FAM47C: variants seen among roughly 807,000 people sequenced by gnomAD.
FAM47C encodes the protein family with sequence similarity 47 member C.
For missense variants in FAM47C, 847 were observed against 879.9 expected (o/e 0.96, Z 0.47); for synonymous variants, 307 against 346.5 (o/e 0.89, Z 1.27).
chrX:37,008,929 C>T lies in FAM47C; in HGVS notation c.519C>T (p.Asp173=). ...GSCEGQEKTT[D]EPTEPGKYPC... The stretch of plus-strand genomic sequence containing the variant: ...GTGAGGGCCAGGAGAAGACAACTGA[C>T]GAACCCACGGAGCCTGGTAAATACC... The change falls in exon 1 of 1, where the codon GAC becomes GAT. Residue 173 remains aspartate (D), a synonymous_variant. Coordinates refer to ENST00000358047, the MANE Select transcript of FAM47C (RefSeq NM_001013736.3). 2 of 1,211,451 alleles carry T rather than the reference C, an allele frequency of 1.7e-6. No individual in the cohort carries two copies. Among genetic ancestry groups the T allele is most frequent in the Non-Finnish European group, 1.1e-6 (1 of 895,229 alleles).
In FAM47C at chrX:37,011,356, T is replaced by G; in HGVS notation, c.2946T>G (p.Phe982Leu). ...ILDGLYGPIAFKDFILSKGYE... is the reference protein window; with the variant it reads ...ILDGLYGPIALKDFILSKGYE... ...ACGGTCTTTATGGACCAATCGCCTT[T>G]AAGGATTTCATTCTAAGCAAGGGCT... is the stretch of plus-strand genomic sequence containing the variant. The change falls in exon 1 of 1, where the codon TTT (phenylalanine) becomes TTG (leucine). Residue 982 changes from phenylalanine (F) to leucine (L), a missense_variant. Physicochemically the swap from Phe to Leu is conservative, Grantham distance 22. Coordinates refer to ENST00000358047, the MANE Select transcript of FAM47C (RefSeq NM_001013736.3). The G allele has an allele frequency of 5.0e-6, 6 of 1,211,707 alleles. No homozygotes were observed. The highest frequency in any genetic ancestry group is 6.7e-6 in the Non-Finnish European group (6 of 895,537).
rs149352851 is a variant in FAM47C at position 37,009,000 on chromosome X, G to T, written c.590G>T (p.Cys197Phe). Reference sequence around the variant, plus strand: ...CGGCCTCCCGAGACTCGGGTGTCCTGTCTCCCCCCGGAGCCTCCCAAGACT... The same window carrying T: ...CGGCCTCCCGAGACTCGGGTGTCCTTTCTCCCCCCGGAGCCTCCCAAGACT... ...SPRPPETRVS[C>F]LPPEPPKTPV... Residue 197 changes from cysteine (C) to phenylalanine (F), a missense_variant, in exon 1 of 1, where the codon TGT (cysteine) becomes TTT (phenylalanine). Transcript: ENST00000358047. 168 of 1,208,775 alleles carry T rather than the reference G, an allele frequency of 1.4e-4. 1 individual carries two copies. Among genetic ancestry groups the T allele is most frequent in the Non-Finnish European group, 1.8e-4 (165 of 894,632 alleles).
In FAM47C at chrX:37,009,240, C is replaced by G. The variant is rs782512993; in HGVS notation, c.830C>G (p.Thr277Ser). The change falls in exon 1 of 1, where the codon ACT becomes AGT. Residue 277 changes from threonine (T) to serine (S), a missense_variant. Coordinates refer to ENST00000358047, the MANE Select transcript of FAM47C (RefSeq NM_001013736.3). ...VSHLYLEPPG[T>S]GVSHLCPEPP... is the part of the protein sequence containing the mutation. ...CATCTCTACCTGGAGCCTCCTGGGA[C>G]TGGAGTGTCTCATCTCTGCCCAGAG... The G allele has an allele frequency of 4.1e-6, 5 of 1,207,903 alleles. No individual in the cohort carries two copies. The African/African-American group carries it at 8.9e-5, about 21-fold the overall frequency.
In FAM47C at chrX:37,008,855, G is replaced by A. The variant is rs781899306; in HGVS notation, c.445G>A (p.Val149Ile). 11 of 1,212,004 alleles carry A rather than the reference G, an allele frequency of 9.1e-6. No homozygotes were observed. Among genetic ancestry groups the A allele is most frequent in the South Asian group, 7.0e-5 (4 of 56,979 alleles). The change falls in exon 1 of 1, where the codon GTA (valine) becomes ATA (isoleucine). Residue 149 changes from valine to isoleucine, a missense_variant. Physicochemically the swap from Val to Ile is conservative, Grantham distance 29. Transcript: ENST00000358047. ...TATGCCTCCAGATCTCCTACTACAG[G>A]TACTGAAACCGCTGGACCCTGAGAG... ...EDMPPDLLLQ[V>I]LKPLDPERKL... is the part of the protein sequence containing the mutation.
Position 37,009,737 on chromosome X carries a change from C to A in FAM47C, c.1327C>A (p.Pro443Thr). Residue 443 changes from proline (P) to threonine (T), a missense_variant, in exon 1 of 1, where the codon CCT becomes ACT. By Grantham distance (38) the Pro-to-Thr change is conservative. Transcript: ENST00000358047. ...TRGSHLRPEP[P>T]ETGVSHLRPE... ...CGGATCTCATCTCCGCCCGGAACCT[C>A]CTGAGACTGGAGTGTCCCATCTCCG... The A allele has an allele frequency of 6.6e-6, 8 of 1,203,425 alleles. No homozygotes were observed. The African/African-American group carries it at 7.2e-5, about 11-fold the overall frequency.
In FAM47C at chrX:37,009,978, G is replaced by T; in HGVS notation, c.1568G>T (p.Arg523Leu). ...TCTGAGACTGGAGTGTCCCATCTCC[G>T]CCCAGAGCCTCCCAAGATTCTGGTG... ...EPSETGVSHL[R>L]PEPPKILVSS... The change falls in exon 1 of 1, where the codon CGC becomes CTC. Residue 523 changes from arginine to leucine, a missense_variant. By Grantham distance (102) the Arg-to-Leu change is moderately radical. Transcript: ENST00000358047. 8.3e-7 allele frequency: 1 copy of T among 1,202,662 alleles called. No homozygotes were observed. The highest frequency in any genetic ancestry group is 1.8e-5 in the South Asian group (1 of 56,531).
Position 37,010,696 on chromosome X carries a change from C to G in FAM47C, c.2286C>G (p.Leu762=). The part of the protein sequence containing the change: ...PEPLETRVSH[L]RPEPPETGVS... ...CTCTTGAGACTCGCGTATCTCATCTCCGCCCGGAGCCTCCTGAGACTGGAG... is the reference window on the plus strand; with the variant it reads ...CTCTTGAGACTCGCGTATCTCATCTGCGCCCGGAGCCTCCTGAGACTGGAG... The change falls in exon 1 of 1, where the codon CTC becomes CTG. Residue 762 remains leucine, a synonymous_variant. Coordinates refer to ENST00000358047, the MANE Select transcript of FAM47C (RefSeq NM_001013736.3). The G allele has an allele frequency of 8.3e-7, 1 of 1,208,915 alleles. No homozygotes were observed. The highest frequency in any genetic ancestry group is 1.1e-6 in the Non-Finnish European group (1 of 894,769).
In FAM47C at chrX:37,010,697, C is replaced by T. The variant is rs143434116; in HGVS notation, c.2287C>T (p.Arg763Cys). 3.4e-5 allele frequency: 41 copies of T among 1,202,059 alleles called. No homozygotes were observed. The African/African-American group carries it at 6.8e-4, about 20-fold the overall frequency. Residue 763 changes from arginine (R) to cysteine (C), a missense_variant, in exon 1 of 1, where the codon CGC becomes TGC. Arg to Cys is a radical substitution (Grantham distance 180). Transcript: ENST00000358047. Reference protein sequence around the residue: ...EPLETRVSHLRPEPPETGVSH... With the variant: ...EPLETRVSHLCPEPPETGVSH... ...TCTTGAGACTCGCGTATCTCATCTC[C>T]GCCCGGAGCCTCCTGAGACTGGAGT...
Position 37,011,382 on chromosome X carries a change from A to G in FAM47C, c.2972A>G (p.Tyr991Cys). 1.2e-5 allele frequency: 15 copies of G among 1,212,253 alleles called. No individual in the cohort carries two copies. Among genetic ancestry groups the G allele is most frequent in the South Asian group, 1.8e-5 (1 of 57,015 alleles). ...AFKDFILSKG[Y>C]EMPGIIQRLF... ...AAGGATTTCATTCTAAGCAAGGGCT[A>G]TGAAATGCCTGGCATCATTCAAAGG... Residue 991 changes from tyrosine to cysteine, a missense_variant, in exon 1 of 1, where the codon TAT (tyrosine) becomes TGT (cysteine). Tyr to Cys is a radical substitution (Grantham distance 194). Transcript: ENST00000358047.
Position 37,010,496 on chromosome X carries a change from G to A in FAM47C, c.2086G>A (p.Glu696Lys). The A allele has an allele frequency of 8.3e-7, 1 of 1,203,704 alleles. No individual in the cohort carries two copies. Among genetic ancestry groups the A allele is most frequent in the Non-Finnish European group, 1.1e-6 (1 of 892,856 alleles). The change falls in exon 1 of 1, where the codon GAG becomes AAG. Residue 696 changes from glutamate (E) to lysine (K), a missense_variant. By Grantham distance (56) the Glu-to-Lys change is moderately conservative. Coordinates refer to ENST00000358047, the MANE Select transcript of FAM47C (RefSeq NM_001013736.3). Reference sequence around the variant, plus strand: ...ATCTCATCTCCGCCCAGAGCCTCCTGAGACTGGAGTGTCCCGTCTCCACCC... The same window carrying A: ...ATCTCATCTCCGCCCAGAGCCTCCTAAGACTGGAGTGTCCCGTCTCCACCC... ...RVSHLRPEPPETGVSRLHPEP... is the reference protein window; with the variant it reads ...RVSHLRPEPPKTGVSRLHPEP...
In FAM47C at chrX:37,010,135, C is replaced by T. The variant is rs61741724; in HGVS notation, c.1725C>T (p.Pro575=). The change falls in exon 1 of 1, where the codon CCC becomes CCT. Residue 575 remains proline (P), a synonymous_variant. Transcript: ENST00000358047. ...TRMYSLRPEP[P]DTGVSHLCPE... ...TGTACAGTCTCCGCCCGGAGCCTCC[C>T]GATACTGGAGTGTCCCATCTCTGCC... 683 of 1,170,543 alleles carry T rather than the reference C, an allele frequency of 5.8e-4. 3 individuals carry two copies. The African/African-American group carries it at 0.012, about 21-fold the overall frequency.
At position 37,009,327 on chromosome X, in the gene FAM47C, T is replaced by C; in HGVS notation, c.917T>C (p.Leu306Pro). ...REPPETGVPD[L>P]CLEPPKSRVS... Reference sequence around the variant, plus strand: ...CCTCCTGAGACTGGAGTGCCTGATCTCTGCCTGGAGCCTCCCAAGTCACGC... The same window carrying C: ...CCTCCTGAGACTGGAGTGCCTGATCCCTGCCTGGAGCCTCCCAAGTCACGC... The change falls in exon 1 of 1, where the codon CTC becomes CCC. Residue 306 changes from leucine to proline, a missense_variant. Leu to Pro is a moderately conservative substitution (Grantham distance 98, BLOSUM62 -3). Coordinates refer to ENST00000358047, the MANE Select transcript of FAM47C (RefSeq NM_001013736.3). 8.3e-7 allele frequency: 1 copy of C among 1,208,591 alleles called. No individual in the cohort carries two copies. The highest frequency in any genetic ancestry group is 1.1e-6 in the Non-Finnish European group (1 of 894,617).
chrX:37,009,402 A>C lies in FAM47C; in HGVS notation c.992A>C (p.His331Pro), dbSNP rs782051326. 5 of 1,133,048 alleles carry C rather than the reference A, an allele frequency of 4.4e-6. 1 individual carries two copies. The allele number at this position is 1,133,048 out of a possible 1,213,427, so 93.4% of individuals were successfully genotyped here. ...TCTGAGACTGGAGTGTCCCATCTCC[A>C]CCCAGAGCCTCCCAAGACTCTGGTG... ...EPSETGVSHL[H>P]PEPPKTLVSS... Residue 331 changes from histidine to proline, a missense_variant, in exon 1 of 1, where the codon CAC becomes CCC. Coordinates refer to ENST00000358047, the MANE Select transcript of FAM47C (RefSeq NM_001013736.3).
chrX:37,011,475 A>G lies in FAM47C; in HGVS notation c.3065A>G (p.Tyr1022Cys). ...KTPIQRAMQVYKYKEDVTDAS... is the reference protein window; with the variant it reads ...KTPIQRAMQVCKYKEDVTDAS... ...CCTATTCAACGTGCAATGCAAGTTT[A>G]CAAGTACAAAGAAGACGTCACAGAT... The change falls in exon 1 of 1, where the codon TAC becomes TGC. Residue 1022 changes from tyrosine (Y) to cysteine (C), a missense_variant. Physicochemically the swap from Tyr to Cys is radical, Grantham distance 194. Transcript: ENST00000358047. 8 of 1,206,934 alleles carry G rather than the reference A, an allele frequency of 6.6e-6. No homozygotes were observed. The highest frequency in any genetic ancestry group is 9.0e-6 in the Non-Finnish European group (8 of 893,262).
chrX:37,008,944 T>C lies in FAM47C; in HGVS notation c.534T>C (p.Pro178=). The change falls in exon 1 of 1, where the codon CCT becomes CCC. Residue 178 remains proline, a synonymous_variant. Transcript: ENST00000358047. ...QEKTTDEPTE[P]GKYPCGEFSP... ...AGACAACTGACGAACCCACGGAGCC[T>C]GGTAAATACCCCTGTGGGGAATTCT... 12 of 1,211,660 alleles carry C rather than the reference T, an allele frequency of 9.9e-6. No homozygotes were observed. The highest frequency in any genetic ancestry group is 1.2e-5 in the Non-Finnish European group (11 of 895,265).
chrX:37,008,518 G>T lies in FAM47C; in HGVS notation c.108G>T (p.Arg36Ser), dbSNP rs782111665. The part of the protein sequence containing the change: ...PSKYFAKRKH[R>S]RLRFPPVDTQ... ...AGTACTTCGCGAAGCGCAAGCACAG[G>T]CGCCTGAGGTTCCCGCCTGTGGACA... The change falls in exon 1 of 1, where the codon AGG (arginine) becomes AGT (serine). Residue 36 changes from arginine to serine, a missense_variant. By Grantham distance (110) the Arg-to-Ser change is moderately radical. Transcript: ENST00000358047. The T allele has an allele frequency of 2.0e-5, 24 of 1,211,607 alleles. No homozygotes were observed. In the East Asian group the frequency reaches 7.1e-4, roughly 36 times the overall value.
chrX:37,010,178 C>T lies in FAM47C; in HGVS notation c.1768C>T (p.Arg590Trp). Residue 590 changes from arginine to tryptophan, a missense_variant, in exon 1 of 1, where the codon CGG becomes TGG. Coordinates refer to ENST00000358047, the MANE Select transcript of FAM47C (RefSeq NM_001013736.3). ...SHLCPEPPKT[R>W]VSSLPPEPPE... Reference sequence around the variant, plus strand: ...TCTCTGCCCAGAGCCTCCCAAGACTCGGGTGTCCAGTCTCCCCCCGGAGCC... The same window carrying T: ...TCTCTGCCCAGAGCCTCCCAAGACTTGGGTGTCCAGTCTCCCCCCGGAGCC... 2.5e-6 allele frequency: 3 copies of T among 1,177,914 alleles called. No homozygotes were observed. Among genetic ancestry groups the T allele is most frequent in the East Asian group, 3.1e-5 (1 of 32,581 alleles).
chrX:37,010,556 G>C lies in FAM47C; in HGVS notation c.2146G>C (p.Ala716Pro), dbSNP rs61999275. 30,500 of 1,027,597 alleles carry C rather than the reference G, an allele frequency of 0.03. 1,067 individuals are homozygous for C. The highest frequency in any genetic ancestry group is 0.25 in the African/African-American group (9,378 of 37,371). 84.7% of individuals were successfully genotyped at this position (1,027,597 alleles called of 1,213,427 possible). A position where few individuals can be genotyped will look rare whatever the true frequency, so the allele number is the denominator to read the frequency against. The change falls in exon 1 of 1, where the codon GCG (alanine) becomes CCG (proline). Residue 716 changes from alanine (A) to proline (P), a missense_variant. Physicochemically the swap from Ala to Pro is conservative, Grantham distance 27 (BLOSUM62 -1). Transcript: ENST00000358047. ...PPKTRVSSLH[A>P]EPPESRVSHL... ...CAAGACTCGGGTGTCCAGTCTCCAC[G>C]CGGAGCCTCCTGAGAGTCGCGTATC...
At position 37,008,510 on chromosome X, in the gene FAM47C, A is replaced by C. The variant is rs1601928638; in HGVS notation, c.100A>C (p.Lys34Gln). The change falls in exon 1 of 1, where the codon AAG (lysine) becomes CAG (glutamine). Residue 34 changes from lysine (K) to glutamine (Q), a missense_variant. Lys to Gln is a moderately conservative substitution (Grantham distance 53). Transcript: ENST00000358047. ...GCCTTCCAAGTACTTCGCGAAGCGC[A>C]AGCACAGGCGCCTGAGGTTCCCGCC... ...KPPSKYFAKR[K>Q]HRRLRFPPVD... is the part of the protein sequence containing the mutation. 3 of 1,211,599 alleles carry C rather than the reference A, an allele frequency of 2.5e-6. No homozygotes were observed. Among genetic ancestry groups the C allele is most frequent in the Admixed American group, 2.2e-5 (1 of 46,081 alleles).
Sources: allele counts gnomAD v4.1 joint callset, GRCh38; gene constraint gnomAD v4.1.1; transcripts MANE v1.5; gene names NCBI Gene and HGNC (gene_info 2026-07-23, HGNC 2026-07-21).